Variants in SYT1 observed in about 807,000 individuals in gnomAD.
SYT1 encodes synaptotagmin 1.
Under a neutral mutation model 44.8 loss-of-function variants are expected in SYT1, and 8 were observed. The observed-to-expected ratio is 0.18, with a 90% confidence interval of 0.10 to 0.32. SYT1 has a LOEUF of 0.32. Among genes scored for constraint, SYT1 ranks in the 10% least tolerant of loss-of-function variants. SYT1 has a pLI of 1.00. For missense variants in SYT1, 286 were observed against 509.3 expected, an observed-to-expected ratio of 0.56 and a Z score of 4.22; for synonymous variants, 154 against 188.8, an observed-to-expected ratio of 0.82 and a Z score of 1.51.
intron 3 of SYT1, among the ~76,000 whole-genome samples, chr12:79,047,563 G>T (rs10778393): frequency 0.2 from 30,276 of 151,618 alleles, 3,360 homozygotes; most frequent in East Asian, 0.31. Flanking sequence ...CAAAGTACTC[G>T]TTGTGATACA....
chr12:78,990,754 G>T (rs1869960871), intron 2 of SYT1, among the ~76,000 whole-genome samples: 2 of 152,152 alleles, frequency 1.3e-5, no homozygotes, highest in South Asian at 2.1e-4. Context: ...TTCTGAAAAT[G>T]TAATAAAGAA....
At chr12:79,326,107 G>A (rs996606873) in intron 8 of SYT1, among the ~76,000 whole-genome samples, 1 of 152,044 alleles carries the variant, frequency 6.6e-6, no homozygotes, top group African/African-American at 2.4e-5. Context: ...CCCATTCACA[G>A]GACGACTGTG....
intron 6 of SYT1, 68 bp from the exon 7 acceptor site, chr12:79,296,001 G>T: frequency 1.3e-6 from 2 of 1,503,828 alleles, no homozygotes; most frequent in South Asian, 1.3e-5. Flanking sequence ...GCAGCATTGT[G>T]AACAAATCGA....
intron 1 of SYT1, among the ~76,000 whole-genome samples, chr12:78,933,104 C>T (rs924153795): frequency 2.0e-5 from 3 of 152,216 alleles, no homozygotes; most frequent in Non-Finnish European, 2.9e-5. Flanking sequence ...TTACTCTTCT[C>T]GACTTTGAAA....
At chr12:79,310,044 G>T (rs890613498) in intron 8 of SYT1, among the ~76,000 whole-genome samples, 1 of 152,050 alleles carries the variant, frequency 6.6e-6, no homozygotes, top group African/African-American at 2.4e-5. Context: ...GTCAATTTTG[G>T]CTTTTGTTGC....
intron 4 of SYT1, among the ~76,000 whole-genome samples, chr12:79,268,227 G>T (rs1266971209): frequency 6.6e-6 from 1 of 152,128 alleles, no homozygotes; most frequent in East Asian, 1.9e-4. Flanking sequence ...TGTATTGACA[G>T]TTGAGTTTAT....
intron 1 of SYT1, among the ~76,000 whole-genome samples, chr12:78,940,398 G>C (rs1224538418): frequency 6.6e-6 from 1 of 151,970 alleles, no homozygotes; most frequent in African/African-American, 2.4e-5. Context: ...ATTTCTTTAA[G>C]TAATTTTAAA....
chr12:79,112,592 T>C (rs1469655255), intron 3 of SYT1, among the ~76,000 whole-genome samples: 1 of 152,070 alleles, frequency 6.6e-6, no homozygotes, highest in African/African-American at 2.4e-5. Flanking sequence ...TAGTCAAGTT[T>C]TCAAAGATAA....
At chr12:79,166,615 T>C (rs1169108899) in intron 3 of SYT1, among the ~76,000 whole-genome samples, 1 of 152,006 alleles carries the variant, frequency 6.6e-6, no homozygotes. Context: ...GCATCACAAA[T>C]AGTCCTAAAC....
chr12:79,014,956 C>T (rs981265616), intron 2 of SYT1, among the ~76,000 whole-genome samples: 1 of 151,298 alleles, frequency 6.6e-6, no homozygotes, highest in African/African-American at 2.4e-5. Context: ...TAAACTATCG[C>T]AAGGATAAAA....
chr12:79,010,570 CTATATTTTT>C (rs1871349841), intron 2 of SYT1, among the ~76,000 whole-genome samples: 1 of 152,128 alleles, frequency 6.6e-6, no homozygotes, highest in Admixed American at 6.6e-5. Flanking sequence ...CTATTCCCTA[CTATATTTTT>C]TAAATTAAAC....
chr12:79,008,285 C>T (rs1592656330), intron 2 of SYT1, among the ~76,000 whole-genome samples: 1 of 151,930 alleles, frequency 6.6e-6, no homozygotes, highest in Non-Finnish European at 1.5e-5. Context: ...CTGGTTTGTT[C>T]TAGGAGCAGA....
chr12:79,162,963 T>C (rs1871040116), intron 3 of SYT1, among the ~76,000 whole-genome samples: 1 of 152,128 alleles, frequency 6.6e-6, no homozygotes, highest in Non-Finnish European at 1.5e-5. Flanking sequence ...ACAATGAATG[T>C]TCCTGAGAAA....
chr12:79,212,658 CTG>C (rs2138541533), intron 3 of SYT1, among the ~76,000 whole-genome samples: 1 of 152,184 alleles, frequency 6.6e-6, no homozygotes, highest in East Asian at 1.9e-4. Context: ...AACTAAATGA[CTG>C]TGTCTCTAAA....
chr12:79,445,948 G>A (rs1382735092), intron 10 of SYT1, among the ~76,000 whole-genome samples: 1 of 111,748 alleles, frequency 8.9e-6, no homozygotes, highest in Non-Finnish European at 1.8e-5. Flanking sequence ...AATAAGTATA[G>A]CTATTATGTT....
intron 2 of SYT1, among the ~76,000 whole-genome samples, chr12:79,045,331 T>C (rs568456290): frequency 6.6e-5 from 10 of 151,874 alleles, no homozygotes; most frequent in African/African-American, 2.4e-4. Context: ...TGGTGCGCCA[T>C]TTTTTAAGCC....
chr12:78,891,207 G>T (rs909888353), intron 1 of SYT1, among the ~76,000 whole-genome samples: 1 of 151,832 alleles, frequency 6.6e-6, no homozygotes, highest in African/African-American at 2.4e-5. Flanking sequence ...ACACATAGTT[G>T]CTAGCCGCCA....
Position 79,449,263 on chromosome 12 carries a change from T to A in SYT1, c.*139T>A. The A allele has an allele frequency of 1.1e-6, 1 of 908,800 alleles. No homozygotes were observed. Among genetic ancestry groups the A allele is most frequent in the Non-Finnish European group, 1.6e-6 (1 of 608,766 alleles). The allele number at this position is 908,800 out of a possible 1,614,324, so 56.3% of individuals were successfully genotyped here. The stretch of plus-strand genomic sequence containing the variant: ...TTCAGTGGTACTTGGAATCCTGTTT[T>A]AATTTGCACAAATTTAAATGTAGAG... On this transcript the variant is annotated 3_prime_UTR_variant, in exon 11 of 11. Coordinates refer to ENST00000261205, the MANE Select transcript of SYT1 (RefSeq NM_005639.3).
At chr12:79,179,958 C>A (rs1262844976) in intron 3 of SYT1, among the ~76,000 whole-genome samples, 2 of 152,106 alleles carry the variant, frequency 1.3e-5, no homozygotes, top group Non-Finnish European at 2.9e-5. Flanking sequence ...TCAGAATTTA[C>A]TCAACCAATC....
Sources: gnomAD v4.1 joint callset for allele counts (sites outside exome capture counted in the v4.1 genomes callset) on GRCh38, gnomAD v4.1.1 for gene constraint, MANE v1.5 for transcripts, NCBI Gene and HGNC (gene_info 2026-07-23, HGNC 2026-07-21) for gene names.